Variants in PCDH15 observed in about 807,000 individuals in gnomAD.
The protein encoded by PCDH15 is protocadherin related 15, also known as protocadherin-15.
Under a neutral mutation model 178.5 loss-of-function variants are expected in PCDH15, and 129 were observed. The observed-to-expected ratio is 0.72, with a 90% CI of 0.63 to 0.84. The LOEUF (loss-of-function observed/expected upper bound fraction) is 0.84, where lower values mean the gene tolerates loss of function less well. PCDH15 is among the 40% of genes least tolerant of loss of function. The pLI is 0.00. For missense variants in PCDH15, 2,230 were observed against 2,099.9 expected (o/e 1.06, Z -1.21); for synonymous variants, 800 against 732.0 (o/e 1.09, Z -1.50).
intron 2 of PCDH15, among the ~76,000 whole-genome samples, chr10:54,583,215 A>C (rs1004775057): frequency 2.0e-5 from 3 of 152,244 alleles, no homozygotes; most frequent in Non-Finnish European, 4.4e-5. Context: ...ATTTATACCC[A>C]AAAATTCTCA....
At chr10:54,646,361 T>C (rs1027978033) in intron 2 of PCDH15, among the ~76,000 whole-genome samples, 1 of 152,118 alleles carries the variant, frequency 6.6e-6, no homozygotes, top group Admixed American at 6.6e-5. Flanking sequence ...TTGGTACCTA[T>C]GGTAGGTCCT....
chr10:55,352,829 C>G (rs1844973301), intron 2 of PCDH15, among the ~76,000 whole-genome samples: 2 of 152,008 alleles, frequency 1.3e-5, no homozygotes, highest in African/African-American at 4.8e-5. Flanking sequence ...GCCAAACTTG[C>G]ACCAAAAAAA....
intron 2 of PCDH15, among the ~76,000 whole-genome samples, chr10:55,448,505 A>G (rs576116590): frequency 1.3e-5 from 2 of 152,138 alleles, no homozygotes; most frequent in East Asian, 1.9e-4. Context: ...TTACTGCAGC[A>G]GACAAAAACA....
At chr10:54,158,147 T>C (rs1298122699) in intron 13 of PCDH15, among the ~76,000 whole-genome samples, 10 of 152,190 alleles carry the variant, frequency 6.6e-5, no homozygotes, top group Admixed American at 6.6e-4. Context: ...TCAGGTATGT[T>C]TTCAGCATCA....
At chr10:54,757,010 C>CCATT (rs10686611) in intron 1 of PCDH15, among the ~76,000 whole-genome samples, 138,517 of 151,954 alleles carry the variant, frequency 0.91, 63,187 homozygotes, top group Middle Eastern at 0.95. Flanking sequence ...AAGCAAGCTC[C>CCATT]CAATTGGATT....
chr10:54,290,008 C>A (rs560044441), intron 8 of PCDH15, among the ~76,000 whole-genome samples: 1 of 152,150 alleles, frequency 6.6e-6, no homozygotes, highest in African/African-American at 2.4e-5. Context: ...CCCAAACTAG[C>A]AATGCAGGCC....
intron 1 of PCDH15, among the ~76,000 whole-genome samples, chr10:55,174,633 C>G (rs944041573): frequency 1.3e-5 from 2 of 152,124 alleles, no homozygotes; most frequent in Non-Finnish European, 2.9e-5. Context: ...AGGCTGCAAA[C>G]GGCAATCTCA....
chr10:54,232,945 TAA>T (rs1372173226), intron 9 of PCDH15, among the ~76,000 whole-genome samples: 1 of 143,544 alleles, frequency 7.0e-6, no homozygotes, highest in East Asian at 2.0e-4. Flanking sequence ...TTTTTTTTTT[TAA>T]AGAGAGTCAC....
At chr10:54,732,123 C>A (rs1294238740) in intron 1 of PCDH15, among the ~76,000 whole-genome samples, 1 of 150,436 alleles carries the variant, frequency 6.6e-6, no homozygotes, top group Non-Finnish European at 1.5e-5. Flanking sequence ...ATAAATATAC[C>A]AACAATGCTG....
intron 2 of PCDH15, among the ~76,000 whole-genome samples, chr10:55,155,411 AC>A (rs770590410): frequency 9.3e-5 from 14 of 151,190 alleles, no homozygotes; most frequent in Non-Finnish European, 1.6e-4. Context: ...TTTAATGAAC[AC>A]TAAAGTTCCA....
chr10:54,620,716 T>C (rs1471282736), intron 2 of PCDH15, among the ~76,000 whole-genome samples: 2 of 152,070 alleles, frequency 1.3e-5, no homozygotes, highest in African/African-American at 4.8e-5. Context: ...TAAAACTCTA[T>C]TATTTATATG....
At chr10:55,616,128 G>A (rs1212865098) in intron 2 of PCDH15, among the ~76,000 whole-genome samples, 1 of 152,026 alleles carries the variant, frequency 6.6e-6, no homozygotes, top group Non-Finnish European at 1.5e-5. Context: ...TATTACTTCT[G>A]AATTTTCCAC....
intron 3 of PCDH15, among the ~76,000 whole-genome samples, chr10:54,833,074 C>T (rs901594292): frequency 7.9e-5 from 12 of 152,096 alleles, no homozygotes; most frequent in Non-Finnish European, 2.9e-5. Context: ...AGGAACATCA[C>T]GTATGTTATC....
At chr10:54,622,541 T>G (rs2093384543) in intron 2 of PCDH15, among the ~76,000 whole-genome samples, 1 of 55,742 alleles carries the variant, frequency 1.8e-5, no homozygotes, top group Non-Finnish European at 4.0e-5. Context: ...TCCAAACCCT[T>G]GCTGTCAAAC....
rs181826750 is a variant in PCDH15 at position 55,595,288 on chromosome 10, G to A, written c.-156+32337C>T. On this transcript the variant is annotated intron_variant, in intron 2 of 5. Transcript: ENST00000613346. ...CAAAGTATTAGTATATCTGGTAGGT[G>A]AGAGTCTATTTCTTTTAAACTTCAT... is the stretch of plus-strand genomic sequence containing the variant. Among the ~76,000 whole-genome samples the A allele has an allele frequency of 3.7e-3, 568 of 152,058 alleles. 3 individuals carry two copies. Among genetic ancestry groups the A allele is most frequent in the African/African-American group, 0.013 (546 of 41,510 alleles).
intron 2 of PCDH15, among the ~76,000 whole-genome samples, chr10:55,607,904 A>T (rs1843267456): frequency 6.6e-6 from 1 of 151,984 alleles, no homozygotes. Context: ...ATAATAATAA[A>T]AAAAAATACA....
intron 2 of PCDH15, among the ~76,000 whole-genome samples, chr10:55,039,221 A>C (rs1460167020): frequency 6.6e-6 from 1 of 152,122 alleles, no homozygotes; most frequent in Non-Finnish European, 1.5e-5. Flanking sequence ...GAGAAAGGTA[A>C]AAAATTAAGA....
chr10:54,242,601 G>T (rs1402192604), intron 8 of PCDH15, among the ~76,000 whole-genome samples: 3 of 152,044 alleles, frequency 2.0e-5, no homozygotes, highest in African/African-American at 7.2e-5. Flanking sequence ...TACACAAGTT[G>T]ATGGGTCAGT....
At chr10:55,137,049 T>A (rs1190229368) in intron 2 of PCDH15, among the ~76,000 whole-genome samples, 1 of 152,198 alleles carries the variant, frequency 6.6e-6, no homozygotes, top group African/African-American at 2.4e-5. Flanking sequence ...AATTCCCTAA[T>A]GTATTTTAGA....
Sources: gnomAD v4.1 joint callset for allele counts (sites outside exome capture counted in the v4.1 genomes callset) on GRCh38, gnomAD v4.1.1 for gene constraint, MANE v1.5 for transcripts, NCBI Gene and HGNC (gene_info 2026-07-23, HGNC 2026-07-21) for gene names.